FHIP1A: variants seen among roughly 807,000 people sequenced by gnomAD.
FHIP1A encodes FHF complex subunit HOOK interacting protein 1A, also known as FHF complex subunit HOOK-interacting protein 1A.
FHIP1A carries 61 observed loss-of-function variants against 88.6 expected under a neutral mutation model. That is an observed-to-expected ratio of 0.69 (90% confidence interval 0.56 to 0.85). FHIP1A has a LOEUF of 0.85. Ranked by LOEUF, FHIP1A falls within the 40% of genes least tolerant of loss-of-function variation. The probability of loss-of-function intolerance (pLI) is 0.00; values close to 1 mark genes in which losing one functional copy is unlikely to be tolerated. For missense variants in FHIP1A, 1,154 were observed against 1,273.5 expected, an observed-to-expected ratio of 0.91 and a Z score of 1.43; for synonymous variants, 478 against 496.0, an observed-to-expected ratio of 0.96 and a Z score of 0.48.
At chr4:151,550,946 C>A (rs544764135) in intron 3 of FHIP1A, among the ~76,000 whole-genome samples, 3 of 152,296 alleles carry the variant, frequency 2.0e-5, no homozygotes, top group Non-Finnish European at 2.9e-5. Flanking sequence ...TCAGAGTTGT[C>A]CTGAATTGGG....
chr4:151,573,341 A>G (rs945392196), intron 4 of FHIP1A, among the ~76,000 whole-genome samples: 2 of 152,058 alleles, frequency 1.3e-5, no homozygotes, highest in African/African-American at 2.4e-5. Context: ...TAGATCAACA[A>G]ATGTCTAGCT....
At chr4:151,652,301 CTT>C (rs1737059716) in intron 11 of FHIP1A, among the ~76,000 whole-genome samples, 1 of 152,176 alleles carries the variant, frequency 6.6e-6, no homozygotes, top group Non-Finnish European at 1.5e-5. Context: ...CCTTTTTCCT[CTT>C]TTGAACCTTA....
At chr4:151,519,017 C>T (rs956668438) in intron 3 of FHIP1A, among the ~76,000 whole-genome samples, 6 of 152,066 alleles carry the variant, frequency 3.9e-5, no homozygotes, top group African/African-American at 1.4e-4. Context: ...TGCAAATATC[C>T]TCTAAGTTCT....
At chr4:151,605,641 G>T (rs188391940) in intron 7 of FHIP1A, among the ~76,000 whole-genome samples, 2 of 152,202 alleles carry the variant, frequency 1.3e-5, no homozygotes, top group African/African-American at 4.8e-5. Flanking sequence ...TTTCCTTAAA[G>T]GCATGTGTGC....
At chr4:151,536,031 C>T (rs572746428) in intron 3 of FHIP1A, among the ~76,000 whole-genome samples, 2 of 152,276 alleles carry the variant, frequency 1.3e-5, no homozygotes, top group South Asian at 4.1e-4. Flanking sequence ...TGCCAAATGC[C>T]TTCTGGAAAG....
chr4:151,547,125 A>G (rs1001445659), intron 3 of FHIP1A, among the ~76,000 whole-genome samples: 2 of 152,116 alleles, frequency 1.3e-5, no homozygotes, highest in Non-Finnish European at 2.9e-5. Flanking sequence ...GGTACCCTTG[A>G]TTTGCTGTAT....
At chr4:151,411,642 G>A (rs1732650714) in intron 1 of FHIP1A, among the ~76,000 whole-genome samples, 1 of 152,118 alleles carries the variant, frequency 6.6e-6, no homozygotes, top group African/African-American at 2.4e-5. Context: ...GAGCCACCAT[G>A]CCTGGCCTCT....
At chr4:151,609,096 C>CGATACCAT (rs1735193962) in intron 7 of FHIP1A, among the ~76,000 whole-genome samples, 1 of 152,096 alleles carries the variant, frequency 6.6e-6, no homozygotes, top group Admixed American at 6.6e-5. Flanking sequence ...ACAGTGATTT[C>CGATACCAT]GATACCATAA....
In FHIP1A at chr4:151,578,072, G is replaced by A. The variant is rs756998700; in HGVS notation, c.728G>A (p.Cys243Tyr). The A allele has an allele frequency of 5.8e-5, 90 of 1,547,400 alleles. No individual in the cohort carries two copies. The highest frequency in any genetic ancestry group is 7.2e-5 in the Non-Finnish European group (83 of 1,145,042). Residue 243 changes from cysteine (C) to tyrosine (Y), a missense_variant, in exon 5 of 14, where the codon TGT becomes TAT. Coordinates refer to ENST00000435205, the MANE Select transcript of FHIP1A (RefSeq NM_001109977.3). ...CACATCGTGGAGAACACCTACTTTT[G>A]TCCAGTAAGTCTCTTTCCTTGGCAT... ...AHHIVENTYF[C>Y]PVLATGLSGL...
At chr4:151,647,342 G>A (rs1184346209) in intron 10 of FHIP1A, among the ~76,000 whole-genome samples, 2 of 152,212 alleles carry the variant, frequency 1.3e-5, no homozygotes, top group African/African-American at 4.8e-5. Context: ...CCCTCTGGCA[G>A]GCAGCTAGAG....
At chr4:151,475,467 A>G (rs1404493371) in intron 2 of FHIP1A, among the ~76,000 whole-genome samples, 5 of 152,176 alleles carry the variant, frequency 3.3e-5, no homozygotes, top group African/African-American at 4.8e-5. Flanking sequence ...GTCATATGTA[A>G]GCAGAGACAC....
chr4:151,538,478 T>G (rs930689895), intron 3 of FHIP1A, among the ~76,000 whole-genome samples: 4 of 152,180 alleles, frequency 2.6e-5, no homozygotes, highest in Non-Finnish European at 5.9e-5. Context: ...AATCAGAATC[T>G]GAAGGGATAG....
At chr4:151,651,697 C>T (rs1299501735) in intron 11 of FHIP1A, among the ~76,000 whole-genome samples, 2 of 152,192 alleles carry the variant, frequency 1.3e-5, no homozygotes, top group African/African-American at 2.4e-5. Context: ...TAGATGAAAA[C>T]AGATTGCCTT....
chr4:151,611,057 C>T (rs1735305963), intron 7 of FHIP1A, among the ~76,000 whole-genome samples: 1 of 151,922 alleles, frequency 6.6e-6, no homozygotes, highest in Non-Finnish European at 1.5e-5. Flanking sequence ...GATATGGTAA[C>T]TAGGTAGGAG....
At chr4:151,629,650 A>G (rs1736076095) in intron 7 of FHIP1A, 52 bp from the exon 8 acceptor site, 1 of 1,516,722 alleles carries the variant, frequency 6.6e-7, no homozygotes, top group Non-Finnish European at 8.9e-7. Flanking sequence ...AGAGGCGTGT[A>G]TCACAGCATC....
At chr4:151,638,027 G>C (rs1487402731) in intron 8 of FHIP1A, among the ~76,000 whole-genome samples, 3 of 152,238 alleles carry the variant, frequency 2.0e-5, no homozygotes, top group Non-Finnish European at 4.4e-5. Flanking sequence ...ACACCTTTGG[G>C]TATCTCCCCT....
intron 3 of FHIP1A, among the ~76,000 whole-genome samples, chr4:151,519,899 A>G (rs939510183): frequency 3.9e-5 from 6 of 152,100 alleles, no homozygotes; most frequent in Non-Finnish European, 5.9e-5. Context: ...GGCCATTCGT[A>G]TATCCTCTTT....
intron 1 of FHIP1A, among the ~76,000 whole-genome samples, chr4:151,434,593 A>G (rs543501712): frequency 6.6e-5 from 10 of 152,306 alleles, no homozygotes; most frequent in Admixed American, 6.5e-4. Flanking sequence ...CAGGTGTATG[A>G]ATCATTGCAG....
At chr4:151,489,374 AG>A (rs911815206) in intron 3 of FHIP1A, among the ~76,000 whole-genome samples, 2 of 152,136 alleles carry the variant, frequency 1.3e-5, no homozygotes, top group African/African-American at 4.8e-5. Flanking sequence ...AGAATTGGGG[AG>A]GGGCCACAGA....
Sources: gnomAD v4.1 joint callset for allele counts (sites outside exome capture counted in the v4.1 genomes callset) on GRCh38, gnomAD v4.1.1 for gene constraint, MANE v1.5 for transcripts, NCBI Gene and HGNC (gene_info 2026-07-23, HGNC 2026-07-21) for gene names.